DNAH11: variants seen among roughly 807,000 people sequenced by gnomAD.
The protein encoded by DNAH11 is axonemal beta dynein heavy chain 11.
DNAH11 carries 442 observed loss-of-function variants against 526.0 expected under a neutral mutation model. The observed-to-expected ratio is 0.84, with a 90% CI of 0.78 to 0.91. The LOEUF (loss-of-function observed/expected upper bound fraction) is 0.91, where lower values mean the gene tolerates loss of function less well. Among genes scored for constraint, DNAH11 ranks in the 40% least tolerant of loss-of-function variants. DNAH11 has a pLI of 0.00. For missense variants in DNAH11, 6,989 were observed against 5,448.7 expected (o/e 1.28, Z -8.90); for synonymous variants, 2,461 against 1,935.9 (o/e 1.27, Z -7.12).
Position 21,687,335 on chromosome 7 carries a change from T to TAA in DNAH11, c.5779-43_5779-42dup, listed in dbSNP as rs780193936. 3.8e-6 allele frequency: 6 copies of TAA among 1,579,554 alleles called. No homozygotes were observed. In the South Asian group the frequency reaches 7.0e-5, roughly 19 times the overall value. On this transcript the variant is annotated intron_variant, in intron 33 of 81. Coordinates refer to ENST00000409508, the MANE Select transcript of DNAH11 (RefSeq NM_001277115.2). ...TTGGGAATTATTCAATATAATAGCGTAAAAACCCCTTCTGTTAAATTCTGA... is the reference window on the plus strand; with the variant it reads ...TTGGGAATTATTCAATATAATAGCGTAAAAAAACCCCTTCTGTTAAATTCTGA...
Position 21,711,871 on chromosome 7 carries a change from C to A in DNAH11, c.6983+11C>A. The A allele has an allele frequency of 6.3e-7, 1 of 1,597,628 alleles. No individual in the cohort carries two copies. Among genetic ancestry groups the A allele is most frequent in the Non-Finnish European group, 8.5e-7 (1 of 1,171,054 alleles). On this transcript the variant is annotated intron_variant, in intron 42 of 81. Transcript: ENST00000409508. ...TCTGGGCTGGAATCCGTGAGTATTT[C>A]TTTTTGTTTTATTGTAGTAAATTGT...
At chr7:21,554,538 G>A (rs113523798) in intron 2 of DNAH11, among the ~76,000 whole-genome samples, 5 of 152,154 alleles carry the variant, frequency 3.3e-5, no homozygotes, top group African/African-American at 7.2e-5. Context: ...CTGGCAAGAC[G>A]TCTTGCCCAG....
intron 65 of DNAH11, among the ~76,000 whole-genome samples, chr7:21,829,405 A>C (rs779436587): frequency 6.6e-6 from 1 of 152,190 alleles, no homozygotes; most frequent in Non-Finnish European, 1.5e-5. Context: ...TCAATATAAT[A>C]ATACAATATC....
intron 25 of DNAH11, among the ~76,000 whole-genome samples, chr7:21,628,244 T>C (rs987857735): frequency 6.6e-6 from 1 of 152,128 alleles, no homozygotes; most frequent in Non-Finnish European, 1.5e-5. Flanking sequence ...AGAACAAGGC[T>C]AATTTGACTT....
intron 57 of DNAH11, among the ~76,000 whole-genome samples, chr7:21,781,559 C>A (rs1057485898): frequency 6.6e-6 from 1 of 152,144 alleles, no homozygotes; most frequent in Non-Finnish European, 1.5e-5. Context: ...AGTAGAGGCG[C>A]CTTCTAAATT....
At chr7:21,900,691 G>GTGAACTGGAGATTTTTA (rs1241155078) in intron 81 of DNAH11, among the ~76,000 whole-genome samples, 5 of 152,146 alleles carry the variant, frequency 3.3e-5, no homozygotes, top group African/African-American at 1.2e-4. Flanking sequence ...AGGAAATGTG[G>GTGAACTGGAGATTTTTA]TGAACTGGAG....
chr7:21,559,510 C>G, intron 3 of DNAH11, 93 bp from the exon 4 acceptor site: 1 of 1,011,230 alleles, frequency 9.9e-7, no homozygotes, highest in South Asian at 1.7e-5. Context: ...TTTTAGGAAA[C>G]TAGTTTATGG....
Position 21,816,486 on chromosome 7 carries a change from A to G in DNAH11, c.10352A>G (p.Glu3451Gly), listed in dbSNP as rs1250266065. The G allele has an allele frequency of 2.5e-6, 4 of 1,608,694 alleles. No homozygotes were observed. In the Admixed American group the frequency reaches 6.8e-5, roughly 27 times the overall value. The change falls in exon 64 of 82, where the codon GAA becomes GGA. Residue 3451 changes from glutamate to glycine, a missense_variant. Glu to Gly is a moderately conservative substitution (Grantham distance 98, BLOSUM62 -2). Coordinates refer to ENST00000409508, the MANE Select transcript of DNAH11 (RefSeq NM_001277115.2). ...TTAAAGGTTTCCATTCCACTAACCG[A>G]AGGCCTGGACTTGATATCCATGTTG... ...LQQKVSIPLT[E>G]GLDLISMLTD...
At chr7:21,702,950 G>T in intron 37 of DNAH11, 148 bp downstream of exon 37, 2 of 689,194 alleles carry the variant, frequency 2.9e-6, no homozygotes. Flanking sequence ...GAGGATTGGC[G>T]TTCCTTATAA....
intron 20 of DNAH11, among the ~76,000 whole-genome samples, chr7:21,611,763 CAATTCTACTGGGAAA>C (rs1241134311): frequency 6.6e-6 from 1 of 152,152 alleles, no homozygotes; most frequent in Admixed American, 6.5e-5. Context: ...TGATGTCTTT[CAATTCTACTGGGAAA>C]AATTCTCTCT....
chr7:21,837,566 G>A (rs1482246494), intron 65 of DNAH11, among the ~76,000 whole-genome samples: 1 of 152,152 alleles, frequency 6.6e-6, no homozygotes, highest in Non-Finnish European at 1.5e-5. Context: ...AGAGGCAGGG[G>A]AGGTAAAAGG....
chr7:21,720,393 A>G (rs1403753055), intron 43 of DNAH11, among the ~76,000 whole-genome samples: 1 of 151,812 alleles, frequency 6.6e-6, no homozygotes, highest in African/African-American at 2.4e-5. Context: ...TATTTAGAAA[A>G]TGATTTCCTA....
At chr7:21,699,876 A>T (rs1199951529) in intron 36 of DNAH11, among the ~76,000 whole-genome samples, 2 of 152,138 alleles carry the variant, frequency 1.3e-5, no homozygotes, top group African/African-American at 4.8e-5. Flanking sequence ...AATGTGTAAG[A>T]TTCAAAACAA....
At chr7:21,727,903 T>A (rs943006131) in intron 45 of DNAH11, among the ~76,000 whole-genome samples, 1 of 152,152 alleles carries the variant, frequency 6.6e-6, no homozygotes, top group African/African-American at 2.4e-5. Context: ...TTCTCCTCGG[T>A]TTGCTGATAG....
chr7:21,555,531 C>T (rs1471324192), intron 2 of DNAH11, among the ~76,000 whole-genome samples: 1 of 152,234 alleles, frequency 6.6e-6, no homozygotes, highest in Non-Finnish European at 1.5e-5. Context: ...CTGGACATTT[C>T]CCTCATGGGA....
chr7:21,826,327 T>C (rs530744757), intron 65 of DNAH11, among the ~76,000 whole-genome samples: 1 of 152,086 alleles, frequency 6.6e-6, no homozygotes, highest in Non-Finnish European at 1.5e-5. Flanking sequence ...TTCATACATA[T>C]GCAAAGTAGG....
At chr7:21,749,878 A>G in intron 53 of DNAH11, 77 bp downstream of exon 53, 1 of 1,587,716 alleles carries the variant, frequency 6.3e-7, no homozygotes, top group Non-Finnish European at 8.6e-7. Context: ...CTTTAAAGAG[A>G]GAGAATTCGT....
intron 75 of DNAH11, among the ~76,000 whole-genome samples, chr7:21,882,660 G>A (rs1449429109): frequency 2.0e-5 from 3 of 152,136 alleles, no homozygotes; most frequent in Admixed American, 6.5e-5. Flanking sequence ...AGCTGGGCAT[G>A]GTGATGCACG....
chr7:21,829,676 C>G (rs1161570143), intron 65 of DNAH11, among the ~76,000 whole-genome samples: 3 of 152,126 alleles, frequency 2.0e-5, no homozygotes, highest in Non-Finnish European at 2.9e-5. Context: ...GATGACATTT[C>G]CAACAGTAAC....
Sources: allele counts gnomAD v4.1 joint callset (sites outside exome capture counted in the v4.1 genomes callset), GRCh38; gene constraint gnomAD v4.1.1; transcripts MANE v1.5; gene names NCBI Gene and HGNC (gene_info 2026-07-23, HGNC 2026-07-21).